Variants in EPHA5 observed in about 807,000 individuals in gnomAD.
EPHA5 encodes the protein ephrin type-A receptor 5.
Under a neutral mutation model 105.0 loss-of-function variants are expected in EPHA5, and 60 were observed. The ratio of observed to expected loss-of-function variants is 0.57; its 90% CI spans 0.46 to 0.71. The LOEUF (loss-of-function observed/expected upper bound fraction) is 0.71, where lower values mean the gene tolerates loss of function less well. EPHA5 is among the 30% of genes least tolerant of loss of function. The pLI, the probability that EPHA5 is intolerant of heterozygous loss-of-function variation, is 0.00. For synonymous variants in EPHA5, 513 were observed against 449.1 expected, an observed-to-expected ratio of 1.14 and a Z score of -1.80; for missense variants, 1,218 against 1,274.7, an observed-to-expected ratio of 0.96 and a Z score of 0.68.
chr4:65,623,476 A>G (rs770568862), intron 2 of EPHA5, among the ~76,000 whole-genome samples: 8 of 152,146 alleles, frequency 5.3e-5, no homozygotes, highest in Non-Finnish European at 8.8e-5. Flanking sequence ...TACCTAATAC[A>G]CTATCATAAG....
In EPHA5 at chr4:65,669,704, C is replaced by T. The variant is rs1560847066; in HGVS notation, c.39G>A (p.Arg13=). Residue 13 remains arginine, a synonymous_variant, in exon 1 of 17, where the codon CGG becomes CGA. Transcript: ENST00000613740. Reference sequence around the variant, plus strand: ...GGGTGTCGCCGCCGCCGCTTGGGGGCCGCCGGCGTCCCGCACCCCGGGGCC... The same window carrying T: ...GGGTGTCGCCGCCGCCGCTTGGGGGTCGCCGGCGTCCCGCACCCCGGGGCC... The part of the protein sequence containing the change: ...GSGPRGAGRR[R]PPSGGGDTPI... 2 of 1,293,704 alleles carry T rather than the reference C, an allele frequency of 1.5e-6. No homozygotes were observed. Among genetic ancestry groups the T allele is most frequent in the East Asian group, 3.0e-5 (1 of 33,192 alleles). The allele number at this position is 1,293,704 out of a possible 1,614,324, so 80.1% of individuals were successfully genotyped here.
chr4:65,662,442 T>C (rs1438863036), intron 1 of EPHA5, among the ~76,000 whole-genome samples: 2 of 152,110 alleles, frequency 1.3e-5, no homozygotes, highest in East Asian at 3.9e-4. Context: ...GCCTGGGCAA[T>C]AGTCCAGCAA....
At chr4:65,352,042 C>A (rs1356036230) in intron 12 of EPHA5, among the ~76,000 whole-genome samples, 2 of 151,980 alleles carry the variant, frequency 1.3e-5, no homozygotes, top group African/African-American at 4.8e-5. Context: ...AGACGGGTGA[C>A]TGAGCAGTGA....
At chr4:65,590,054 C>T (rs1261056235) in intron 3 of EPHA5, among the ~76,000 whole-genome samples, 1 of 152,168 alleles carries the variant, frequency 6.6e-6, no homozygotes, top group Non-Finnish European at 1.5e-5. Flanking sequence ...ACAGCAGGAA[C>T]TTTCCAGCAT....
At chr4:65,573,828 A>G in intron 3 of EPHA5, 1 of 1,613,636 alleles carries the variant, frequency 6.2e-7, no homozygotes. Flanking sequence ...TGTGCCTCGA[A>G]AGCTGTTGAG....
At chr4:65,596,579 TG>T (rs1393330217) in intron 3 of EPHA5, among the ~76,000 whole-genome samples, 3 of 151,920 alleles carry the variant, frequency 2.0e-5, no homozygotes, top group Non-Finnish European at 4.4e-5. Flanking sequence ...GCAGTTAAAA[TG>T]GGGGGAAAAA....
At chr4:65,593,029 T>C (rs1246235044) in intron 3 of EPHA5, among the ~76,000 whole-genome samples, 3 of 152,186 alleles carry the variant, frequency 2.0e-5, no homozygotes, top group Non-Finnish European at 4.4e-5. Context: ...TACATTGAAC[T>C]CATTAGAACA....
chr4:65,401,613 C>T (rs530244604), intron 8 of EPHA5, among the ~76,000 whole-genome samples: 1 of 152,184 alleles, frequency 6.6e-6, no homozygotes, highest in African/African-American at 2.4e-5. Flanking sequence ...CTGCAAATTC[C>T]TAGTGTCAGC....
intron 3 of EPHA5, among the ~76,000 whole-genome samples, chr4:65,566,950 G>C (rs1200689989): frequency 6.6e-6 from 1 of 151,346 alleles, no homozygotes; most frequent in African/African-American, 2.4e-5. Flanking sequence ...TTTATGCATG[G>C]TCAACCTCTT....
In EPHA5 at chr4:65,449,325, T is replaced by C. The variant is rs200708373; in HGVS notation, c.1403-28760A>G. Among the ~76,000 whole-genome samples, 25 of 152,262 alleles carry C rather than the reference T, an allele frequency of 1.6e-4. No individual in the cohort carries two copies. The East Asian group carries it at 4.2e-3, about 26-fold the overall frequency. On this transcript the variant is annotated intron_variant, in intron 5 of 16. Transcript: ENST00000613740. ...TTCAAAAATATGATAAAAGCAAGCA[T>C]TAATGAGGGTTTAAAAAAAGAGCCT... is the stretch of plus-strand genomic sequence containing the variant.
chr4:65,554,721 C>T (rs776589906), intron 3 of EPHA5, among the ~76,000 whole-genome samples: 6 of 151,620 alleles, frequency 4.0e-5, no homozygotes, highest in Non-Finnish European at 7.4e-5. Context: ...TGTTTTTACT[C>T]TATAAAATGT....
chr4:65,579,141 AT>A (rs1741352944), intron 3 of EPHA5, among the ~76,000 whole-genome samples: 2 of 151,608 alleles, frequency 1.3e-5, no homozygotes, highest in Admixed American at 6.6e-5. Flanking sequence ...TTTAAATATT[AT>A]TCAAAAAGGC....
Position 65,365,973 on chromosome 4 carries a change from A to T in EPHA5, c.1946T>A (p.Ile649Lys), listed in dbSNP as rs2148892339. ...CTCAATGGTGATACATGATGCTTCT[A>T]TCTCCTTAGCAAATTCGTGGACAGC... Reference protein sequence around the residue: ...NQAVHEFAKEIEASCITIERV... With the variant: ...NQAVHEFAKEKEASCITIERV... Residue 649 changes from isoleucine (I) to lysine (K), a missense_variant, in exon 10 of 17, where the codon ATA becomes AAA. Physicochemically the swap from Ile to Lys is moderately radical, Grantham distance 102. Coordinates refer to ENST00000613740, the MANE Select transcript of EPHA5 (RefSeq NM_001281766.3). The T allele has an allele frequency of 6.2e-7, 1 of 1,609,556 alleles. No homozygotes were observed. Among genetic ancestry groups the T allele is most frequent in the Non-Finnish European group, 8.5e-7 (1 of 1,176,874 alleles).
intron 5 of EPHA5, among the ~76,000 whole-genome samples, chr4:65,433,096 G>A (rs1257314194): frequency 6.6e-6 from 1 of 152,108 alleles, no homozygotes; most frequent in Non-Finnish European, 1.5e-5. Context: ...AGGTTATTAA[G>A]TATGCAAACC....
chr4:65,392,892 C>T (rs1720863825), intron 8 of EPHA5, among the ~76,000 whole-genome samples: 1 of 152,118 alleles, frequency 6.6e-6, no homozygotes, highest in Non-Finnish European at 1.5e-5. Context: ...AGGAAAGCCA[C>T]AGAAGCCTTT....
intron 3 of EPHA5, among the ~76,000 whole-genome samples, chr4:65,570,262 C>G (rs1439554492): frequency 1.3e-5 from 2 of 151,770 alleles, no homozygotes; most frequent in Non-Finnish European, 3.0e-5. Context: ...TATTATAATC[C>G]AGAAAGCTTT....
At chr4:65,391,500 G>A (rs1720713608) in intron 8 of EPHA5, among the ~76,000 whole-genome samples, 1 of 152,092 alleles carries the variant, frequency 6.6e-6, no homozygotes, top group South Asian at 2.1e-4. Flanking sequence ...TCAACAATGA[G>A]TATACTTCCA....
chr4:65,550,301 A>C (rs1351353894), intron 3 of EPHA5, among the ~76,000 whole-genome samples: 1 of 152,070 alleles, frequency 6.6e-6, no homozygotes, highest in Non-Finnish European at 1.5e-5. Flanking sequence ...TCTTGATTCT[A>C]GTTATTAAAC....
chr4:65,585,837 G>C (rs1742069492), intron 3 of EPHA5, among the ~76,000 whole-genome samples: 1 of 151,574 alleles, frequency 6.6e-6, no homozygotes, highest in Non-Finnish European at 1.5e-5. Flanking sequence ...TTCTACAGCA[G>C]TATGGACATA....
Sources: gnomAD v4.1 joint callset for allele counts (sites outside exome capture counted in the v4.1 genomes callset) on GRCh38, gnomAD v4.1.1 for gene constraint, MANE v1.5 for transcripts, NCBI Gene and HGNC (gene_info 2026-07-23, HGNC 2026-07-21) for gene names.